The following NUMA1 variants were observed in gnomAD, a reference collection of about 807,000 sequenced individuals.
NUMA1 encodes nuclear mitotic apparatus protein 1, also known as SP-H antigen.
NUMA1 carries 62 observed loss-of-function variants against 237.1 expected under a neutral mutation model. The observed-to-expected ratio is 0.26, with a 90% CI of 0.21 to 0.32. The LOEUF is 0.32. NUMA1 is among the 10% of genes least tolerant of loss of function. The pLI is 1.00. For missense variants in NUMA1, 2,533 were observed against 2,666.5 expected (o/e 0.95, Z 1.10); for synonymous variants, 1,028 against 1,066.1 (o/e 0.96, Z 0.70).
At chr11:72,018,073 C>A (rs1175709856) in intron 12 of NUMA1, 110 bp downstream of exon 12, 3 of 990,712 alleles carry the variant, frequency 3.0e-6, no homozygotes, top group Non-Finnish European at 4.8e-6. Flanking sequence ...TCTGGAGAGA[C>A]TGAAGCATAA....
Position 72,016,473 on chromosome 11 carries a change from GTTC to G in NUMA1, c.1174_1176del (p.Glu392del). The G allele has an allele frequency of 6.2e-7, 1 of 1,614,076 alleles. No homozygotes were observed. The highest frequency in any genetic ancestry group is 8.5e-7 in the Non-Finnish European group (1 of 1,180,026). ...GGGTTATCCTGCAGCTGGGACAAGTGTTCTTCCAGCTGTGAAAGTTTTCCCTGA... is the reference window on the plus strand; with the variant it reads ...GGGTTATCCTGCAGCTGGGACAAGTGTTCCAGCTGTGAAAGTTTTCCCTGA... On this transcript the variant is annotated inframe_deletion, in exon 14 of 27. Transcript: ENST00000393695.
chr11:72,052,239 G>A (rs1160991093), intron 2 of NUMA1, among the ~76,000 whole-genome samples: 7 of 152,172 alleles, frequency 4.6e-5, no homozygotes, highest in Non-Finnish European at 1.0e-4. Flanking sequence ...GAGAAAATAA[G>A]AGTAGGTACT....
At position 72,013,637 on chromosome 11, in the gene NUMA1, G is replaced by A. The variant is rs150527387; in HGVS notation, c.3866C>T (p.Ala1289Val). The A allele has an allele frequency of 9.9e-6, 16 of 1,609,888 alleles. No individual in the cohort carries two copies. The highest frequency in any genetic ancestry group is 1.4e-5 in the Non-Finnish European group (16 of 1,179,962). ...NSARAAERSSALREEVQSLRE... is the reference protein window; with the variant it reads ...NSARAAERSSVLREEVQSLRE... ...GAGGCTCTGCACCTCCTCCCGCAGAGCAGAGCTGCGTTCTGCAGCTCTGGC... is the reference window on the plus strand; with the variant it reads ...GAGGCTCTGCACCTCCTCCCGCAGAACAGAGCTGCGTTCTGCAGCTCTGGC... The change falls in exon 15 of 27, where the codon GCT (alanine) becomes GTT (valine). Residue 1289 changes from alanine to valine, a missense_variant. By Grantham distance (64) the Ala-to-Val change is moderately conservative. Coordinates refer to ENST00000393695, the MANE Select transcript of NUMA1 (RefSeq NM_006185.4). The surrounding 1 kb of genome is among the most constrained non-coding windows in gnomAD (Gnocchi z 6.8).
At chr11:72,080,277 C>A (rs993535599) in intron 1 of NUMA1, 181 bp downstream of exon 1, 1 of 129,394 alleles carries the variant, frequency 7.7e-6, no homozygotes, top group Non-Finnish European at 1.6e-5. Context: ...CCCCCCCCCC[C>A]CCCGGCTCCT....
intron 22 of NUMA1, 28 bp downstream of exon 22, chr11:72,006,007 G>C: frequency 2.6e-6 from 4 of 1,536,814 alleles, no homozygotes; most frequent in South Asian, 2.3e-5. Context: ...TAATTTTGGG[G>C]TATAGTAAGT....
At position 72,015,978 on chromosome 11, in the gene NUMA1, T is replaced by C. The variant is rs778980282; in HGVS notation, c.1525A>G (p.Thr509Ala). 2 of 1,614,042 alleles carry C rather than the reference T, an allele frequency of 1.2e-6. No individual in the cohort carries two copies. The highest frequency in any genetic ancestry group is 4.5e-5 in the East Asian group (2 of 44,878). ...TGTTGCTGGATGGTGGCATTGAGTG[T>C]GGTGAGCTCAGAGGTCAGAGAGGCC... ...QVASLTSELTTLNATIQQQDQ... is the reference protein window; with the variant it reads ...QVASLTSELTALNATIQQQDQ... The change falls in exon 15 of 27, where the codon ACA (threonine) becomes GCA (alanine). Residue 509 changes from threonine to alanine, a missense_variant. Coordinates refer to ENST00000393695, the MANE Select transcript of NUMA1 (RefSeq NM_006185.4). This position sits in a 1 kb window ranked among gnomAD's most constrained non-coding sequence, Gnocchi z 4.0.
chr11:72,020,977 A>C (rs1281961820), intron 8 of NUMA1: 9 of 507,644 alleles, frequency 1.8e-5, no homozygotes, highest in Admixed American at 7.0e-5. Flanking sequence ...ATCACTTGTA[A>C]ATATCCTACA....
At position 72,051,619 on chromosome 11, in the gene NUMA1, G is replaced by A. The variant is rs185914146; in HGVS notation, c.-32-15644C>T. Among the ~76,000 whole-genome samples, 606 of 152,154 alleles carry A rather than the reference G, an allele frequency of 4.0e-3. 29 individuals are homozygous for A. Among genetic ancestry groups the A allele is most frequent in the Admixed American group, 0.039 (595 of 15,278 alleles). ...CCCAAGTAGCTGGGGCTACCGGTGT[G>A]CAGGACCATGCCCAGCTAGTTTTGT... On this transcript the variant is annotated intron_variant, in intron 2 of 26. Coordinates refer to ENST00000393695, the MANE Select transcript of NUMA1 (RefSeq NM_006185.4).
chr11:72,013,979 G>C lies in NUMA1; in HGVS notation c.3524C>G (p.Ala1175Gly). Reference sequence around the variant, plus strand: ...ACTCTGACTGTGCCCTAGCTCCTGGGCCTTCTCCTCTAACTGGCCCTGCAG... The same window carrying C: ...ACTCTGACTGTGCCCTAGCTCCTGGCCCTTCTCCTCTAACTGGCCCTGCAG... ...ETLQGQLEEK[A>G]QELGHSQSAL... is the part of the protein sequence containing the mutation. Residue 1175 changes from alanine to glycine, a missense_variant, in exon 15 of 27, where the codon GCC (alanine) becomes GGC (glycine). Around this residue, in one of 3 missense-constraint regions of NUMA1, gnomAD observed 1,414 missense variants for 1,508.1 expected, o/e 0.94. Transcript: ENST00000393695. This position sits in a 1 kb window ranked among gnomAD's most constrained non-coding sequence, Gnocchi z 6.8. The C allele has an allele frequency of 6.2e-7, 1 of 1,613,124 alleles. No individual in the cohort carries two copies. Among genetic ancestry groups the C allele is most frequent in the Non-Finnish European group, 8.5e-7 (1 of 1,179,996 alleles).
chr11:72,034,895 C>T (rs1393198557), intron 3 of NUMA1, among the ~76,000 whole-genome samples: 4 of 152,148 alleles, frequency 2.6e-5, no homozygotes, highest in Non-Finnish European at 2.9e-5. Context: ...CTCACTCTGT[C>T]GCCCACGCTG....
At chr11:72,077,813 C>CAAAA (rs374544097) in intron 1 of NUMA1, among the ~76,000 whole-genome samples, 4 of 26,774 alleles carry the variant, frequency 1.5e-4, no homozygotes, top group South Asian at 1.1e-3. Context: ...GACTCCATCT[C>CAAAA]AAAAAAAAAA....
chr11:72,004,207 C>T lies in NUMA1; in HGVS notation c.6123+18G>A. 1 of 1,607,398 alleles carries T rather than the reference C, an allele frequency of 6.2e-7. No individual in the cohort carries two copies. Among genetic ancestry groups the T allele is most frequent in the Non-Finnish European group, 8.5e-7 (1 of 1,177,716 alleles). On this transcript the variant is annotated intron_variant, in intron 25 of 26. Coordinates refer to ENST00000393695, the MANE Select transcript of NUMA1 (RefSeq NM_006185.4). Reference sequence around the variant, plus strand: ...CCCGCCAGGGCGTCGCTTCATCCCCCTTCAGCCCCAGCCTCACCTGTTTAG... The same window carrying T: ...CCCGCCAGGGCGTCGCTTCATCCCCTTTCAGCCCCAGCCTCACCTGTTTAG...
At chr11:72,051,846 A>G (rs1255086130) in intron 2 of NUMA1, among the ~76,000 whole-genome samples, 1 of 152,208 alleles carries the variant, frequency 6.6e-6, no homozygotes, top group Non-Finnish European at 1.5e-5. Flanking sequence ...ATGAAGCCAA[A>G]GAACATGGGC....
chr11:72,054,995 T>G (rs1942559867), intron 2 of NUMA1, among the ~76,000 whole-genome samples: 1 of 152,164 alleles, frequency 6.6e-6, no homozygotes, highest in African/African-American at 2.4e-5. Flanking sequence ...TAAAAAACTT[T>G]AGGAGAAATT....
At chr11:72,048,287 T>C (rs939191155) in intron 2 of NUMA1, among the ~76,000 whole-genome samples, 1 of 151,678 alleles carries the variant, frequency 6.6e-6, no homozygotes, top group Non-Finnish European at 1.5e-5. Context: ...CTACAGCTGT[T>C]AAATAGGCAA....
At chr11:72,080,023 C>T (rs966582441) in intron 1 of NUMA1, among the ~76,000 whole-genome samples, 2 of 152,106 alleles carry the variant, frequency 1.3e-5, no homozygotes, top group African/African-American at 4.8e-5. Context: ...TAAAGTATAA[C>T]AGGTGGTTAG....
chr11:72,031,416 T>C (rs887886044), intron 3 of NUMA1, among the ~76,000 whole-genome samples: 1 of 152,226 alleles, frequency 6.6e-6, no homozygotes, highest in Non-Finnish European at 1.5e-5. Flanking sequence ...CTGCATGCAC[T>C]ATAGAATTAA....
intron 9 of NUMA1, among the ~76,000 whole-genome samples, chr11:72,019,255 G>C (rs556154170): frequency 7.9e-5 from 12 of 152,214 alleles, no homozygotes; most frequent in Non-Finnish European, 1.6e-4. Context: ...CTTCATTGTA[G>C]TCTCCGAGGA....
chr11:72,061,616 G>A (rs2136170421), intron 2 of NUMA1, among the ~76,000 whole-genome samples: 1 of 149,342 alleles, frequency 6.7e-6, no homozygotes, highest in East Asian at 2.0e-4. Flanking sequence ...TCAGACTCCT[G>A]AGTAGCTGGG....
Sources: gnomAD v4.1 joint callset for allele counts (sites outside exome capture counted in the v4.1 genomes callset) on GRCh38, gnomAD v4.1.1 for gene constraint, gnomAD v4.1.1 regional missense constraint, Gnocchi (gnomAD v3.1) non-coding constraint, MANE v1.5 for transcripts, NCBI Gene and HGNC (gene_info 2026-07-23, HGNC 2026-07-21) for gene names.